Variants in CHRM3 observed in about 807,000 individuals in gnomAD.
The protein encoded by CHRM3 is muscarinic acetylcholine receptor M3.
A neutral mutation model predicts 41.8 loss-of-function variants in CHRM3; 11 were observed. That is an observed-to-expected ratio of 0.26 (90% CI 0.17 to 0.44). CHRM3 has a LOEUF of 0.44. Among genes scored for constraint, CHRM3 ranks in the 20% least tolerant of loss-of-function variants. The pLI, the probability that CHRM3 is intolerant of heterozygous loss-of-function variation, is 1.00. For missense variants in CHRM3, 571 were observed against 745.4 expected, an observed-to-expected ratio of 0.77 and a Z score of 2.72; for synonymous variants, 297 against 301.4, an observed-to-expected ratio of 0.99 and a Z score of 0.15.
intron 3 of CHRM3, among the ~76,000 whole-genome samples, chr1:239,566,971 G>T (rs1304183350): frequency 6.6e-6 from 1 of 152,114 alleles, no homozygotes; most frequent in Non-Finnish European, 1.5e-5. Context: ...ATTTCATAAT[G>T]ACCAGAATTG....
chr1:239,466,473 G>C (rs1241122884), intron 1 of CHRM3, among the ~76,000 whole-genome samples: 1 of 152,000 alleles, frequency 6.6e-6, no homozygotes, highest in Non-Finnish European at 1.5e-5. Context: ...ATAAACAATA[G>C]TTAAGTTTTG....
chr1:239,530,450 A>C (rs1258970705), intron 2 of CHRM3, among the ~76,000 whole-genome samples: 1 of 152,180 alleles, frequency 6.6e-6, no homozygotes, highest in African/African-American at 2.4e-5. Context: ...AATAATGAAA[A>C]ATACTAAGAA....
chr1:239,591,153 C>G (rs1041179021), intron 3 of CHRM3, among the ~76,000 whole-genome samples: 2 of 152,170 alleles, frequency 1.3e-5, no homozygotes, highest in African/African-American at 2.4e-5. Flanking sequence ...TGGCCTTCTC[C>G]TGATCCTCAG....
intron 3 of CHRM3, among the ~76,000 whole-genome samples, chr1:239,602,641 G>A (rs1665742783): frequency 6.6e-6 from 1 of 152,040 alleles, no homozygotes. Context: ...CTACACAAAA[G>A]TTTTTTGTGT....
chr1:239,533,989 G>T (rs1055720217), intron 2 of CHRM3, among the ~76,000 whole-genome samples: 3 of 152,070 alleles, frequency 2.0e-5, no homozygotes, highest in Admixed American at 1.3e-4. Flanking sequence ...TAGTTATGGG[G>T]AGGCTCTCTG....
intron 6 of CHRM3, among the ~76,000 whole-genome samples, chr1:239,877,872 T>A (rs140746673): frequency 0.019 from 2,857 of 151,590 alleles, 101 homozygotes; most frequent in African/African-American, 0.065. Context: ...TTACATTTAT[T>A]GTGCACTTTA....
chr1:239,877,426 A>T (rs949189470), intron 6 of CHRM3, among the ~76,000 whole-genome samples: 1 of 2,302 alleles, frequency 4.3e-4, no homozygotes, highest in Admixed American at 0.038. Context: ...TATAAAAATA[A>T]AAAAAAAAAG....
intron 5 of CHRM3, among the ~76,000 whole-genome samples, chr1:239,742,677 C>T (rs527378628): frequency 6.6e-6 from 1 of 152,250 alleles, no homozygotes; most frequent in Non-Finnish European, 1.5e-5. Context: ...AAGTTGGGAA[C>T]ATGTTTAATT....
Position 239,643,665 on chromosome 1 carries a change from G to A in CHRM3, c.-250+11379G>A, listed in dbSNP as rs113295308. ...GGAGTGACCCGATTTTCCAGATGCC[G>A]TCTGTCACCCCTTTCTTTGACTAGA... On this transcript the variant is annotated intron_variant, in intron 4 of 6. Coordinates refer to ENST00000676153, the MANE Select transcript of CHRM3 (RefSeq NM_001375978.1). 7.9e-5 allele frequency among the ~76,000 whole-genome samples: 12 copies of A among 152,294 alleles called. No homozygotes were observed. In the South Asian group the frequency reaches 8.3e-4, roughly 11 times the overall value.
At chr1:239,580,579 T>G (rs1041368088) in intron 3 of CHRM3, among the ~76,000 whole-genome samples, 8 of 151,166 alleles carry the variant, frequency 5.3e-5, no homozygotes, top group Non-Finnish European at 1.0e-4. Flanking sequence ...CCAAAACTAA[T>G]AGTACAATCT....
intron 3 of CHRM3, among the ~76,000 whole-genome samples, chr1:239,563,191 G>A (rs1439945469): frequency 2.8e-5 from 2 of 71,522 alleles, no homozygotes; most frequent in East Asian, 8.7e-4. Flanking sequence ...GTTGGTGTAG[G>A]GCAACAAGGA....
intron 1 of CHRM3, among the ~76,000 whole-genome samples, chr1:239,421,013 A>G (rs1661915084): frequency 6.6e-6 from 1 of 152,210 alleles, no homozygotes; most frequent in Non-Finnish European, 1.5e-5. Context: ...TAAAGATTGC[A>G]TAAGACCTTT....
At chr1:239,840,319 T>C (rs548566246) in intron 6 of CHRM3, among the ~76,000 whole-genome samples, 7 of 152,246 alleles carry the variant, frequency 4.6e-5, no homozygotes, top group Non-Finnish European at 1.0e-4. Context: ...ACCTGATTTC[T>C]ATGCCCCATA....
chr1:239,419,231 A>G (rs546758777), intron 1 of CHRM3, among the ~76,000 whole-genome samples: 1 of 152,114 alleles, frequency 6.6e-6, no homozygotes, highest in South Asian at 2.1e-4. Flanking sequence ...TTTTTCTATC[A>G]TTCATGCTAT....
intron 5 of CHRM3, among the ~76,000 whole-genome samples, chr1:239,800,012 GC>G (rs1670088636): frequency 6.6e-6 from 1 of 152,082 alleles, no homozygotes; most frequent in Non-Finnish European, 1.5e-5. Flanking sequence ...ATATCAGGTA[GC>G]TTTTTTTGTT....
chr1:239,884,455 G>T (rs1193485156), intron 6 of CHRM3, among the ~76,000 whole-genome samples: 1 of 152,202 alleles, frequency 6.6e-6, no homozygotes, highest in Non-Finnish European at 1.5e-5. Context: ...TGGACTTCTG[G>T]CCAGGAGAAC....
chr1:239,591,248 T>C (rs1664117217), intron 3 of CHRM3, among the ~76,000 whole-genome samples: 2 of 152,100 alleles, frequency 1.3e-5, no homozygotes, highest in Admixed American at 1.3e-4. Flanking sequence ...CCTTCCTTCC[T>C]TGGGTCAAGC....
intron 5 of CHRM3, among the ~76,000 whole-genome samples, chr1:239,761,588 A>G (rs1448804079): frequency 6.6e-6 from 1 of 152,184 alleles, no homozygotes; most frequent in Non-Finnish European, 1.5e-5. Context: ...TAACTGTGTT[A>G]GGAGGAACCA....
intron 3 of CHRM3, among the ~76,000 whole-genome samples, chr1:239,614,009 A>G (rs1238464392): frequency 3.9e-5 from 6 of 152,116 alleles, no homozygotes; most frequent in African/African-American, 1.2e-4. Context: ...AATAAAATAA[A>G]TAAAACAATT....
Sources: gnomAD v4.1 joint callset for allele counts (sites outside exome capture counted in the v4.1 genomes callset) on GRCh38, gnomAD v4.1.1 for gene constraint, MANE v1.5 for transcripts, NCBI Gene and HGNC (gene_info 2026-07-23, HGNC 2026-07-21) for gene names.